CAMK4: variants seen among roughly 807,000 people sequenced by gnomAD.
CAMK4 encodes the protein calcium/calmodulin dependent protein kinase IV, also known as calcium/calmodulin-dependent protein kinase type IV.
CAMK4 carries 22 observed loss-of-function variants against 44.9 expected under a neutral mutation model. The observed-to-expected ratio is 0.49, with a 90% CI of 0.35 to 0.70. CAMK4 has a LOEUF of 0.70. Among genes scored for constraint, CAMK4 ranks in the 30% least tolerant of loss-of-function variants. The probability of loss-of-function intolerance (pLI) is 0.01; values close to 1 mark genes in which losing one functional copy is unlikely to be tolerated. For missense variants in CAMK4, 498 were observed against 586.8 expected (o/e 0.85, Z 1.56); for synonymous variants, 218 against 215.4 (o/e 1.01, Z -0.11).
chr5:111,359,613 T>A (rs1010799925), intron 2 of CAMK4, among the ~76,000 whole-genome samples: 1 of 152,172 alleles, frequency 6.6e-6, no homozygotes, highest in Non-Finnish European at 1.5e-5. Context: ...ATTTTTTGCT[T>A]TTGTTGCAGT....
chr5:111,489,640 C>G lies in CAMK4; in HGVS notation c.*5174C>G, dbSNP rs1755748823. 2 of 152,230 alleles carry G rather than the reference C, an allele frequency of 1.3e-5. No individual in the cohort carries two copies. The allele number at this position is 152,230 out of a possible 1,614,324, so 9.4% of individuals were successfully genotyped here. A position where few individuals can be genotyped will look rare whatever the true frequency, so the allele number is the denominator to read the frequency against. ...CTTGCCGAGAAAGTGAACTGTCTTA[C>G]TCCTTCAAAGGAATCAGATGTTGCT... On this transcript the variant is annotated 3_prime_UTR_variant, in exon 11 of 11. Transcript: ENST00000282356.
At chr5:111,378,181 C>T (rs1202828583) in intron 4 of CAMK4, among the ~76,000 whole-genome samples, 1 of 152,032 alleles carries the variant, frequency 6.6e-6, no homozygotes, top group African/African-American at 2.4e-5. Context: ...TGCCTTTCCC[C>T]TTTTACTATG....
At chr5:111,303,668 T>G (rs1031219644) in intron 1 of CAMK4, among the ~76,000 whole-genome samples, 2 of 142,726 alleles carry the variant, frequency 1.4e-5, no homozygotes, top group African/African-American at 5.5e-5. Context: ...TGGAAAACAC[T>G]CGGCAGGATA....
intron 1 of CAMK4, among the ~76,000 whole-genome samples, chr5:111,304,025 CTTTA>C (rs1747847835): frequency 1.8e-5 from 1 of 57,074 alleles, no homozygotes; most frequent in Non-Finnish European, 3.0e-5. Flanking sequence ...AAATAAAATA[CTTTA>C]TAGACAAGCA....
chr5:111,451,273 T>C (rs1754224109), intron 7 of CAMK4, among the ~76,000 whole-genome samples: 1 of 141,202 alleles, frequency 7.1e-6, no homozygotes, highest in Admixed American at 7.1e-5. Context: ...AAACTATAAA[T>C]CAATATAGTT....
At chr5:111,272,303 T>C (rs912549728) in intron 1 of CAMK4, among the ~76,000 whole-genome samples, 1 of 152,198 alleles carries the variant, frequency 6.6e-6, no homozygotes, top group African/African-American at 2.4e-5. Flanking sequence ...AGTGTTGCTT[T>C]CTTTTTTCCA....
chr5:111,236,287 T>G (rs577486355), intron 1 of CAMK4, among the ~76,000 whole-genome samples: 1 of 152,360 alleles, frequency 6.6e-6, no homozygotes, highest in African/African-American at 2.4e-5. Context: ...TGAGCTCAAC[T>G]TCCAGGCCAG....
intron 7 of CAMK4, among the ~76,000 whole-genome samples, chr5:111,461,352 A>C (rs1407108950): frequency 6.6e-6 from 1 of 152,232 alleles, no homozygotes; most frequent in African/African-American, 2.4e-5. Flanking sequence ...GGTGTGATTC[A>C]GTCTCATCTG....
chr5:111,317,817 C>T (rs79160468), intron 1 of CAMK4, among the ~76,000 whole-genome samples: 2,176 of 143,696 alleles, frequency 0.015, 26 homozygotes, highest in East Asian at 0.055. Flanking sequence ...TTTTGAACAA[C>T]GGGCCCTGTA....
chr5:111,325,505 C>T (rs1226112542), intron 1 of CAMK4, among the ~76,000 whole-genome samples: 1 of 152,036 alleles, frequency 6.6e-6, no homozygotes, highest in African/African-American at 2.4e-5. Flanking sequence ...CCTATTTCTC[C>T]ACAGCCTCGC....
intron 5 of CAMK4, among the ~76,000 whole-genome samples, chr5:111,431,728 G>C (rs1285439042): frequency 6.6e-6 from 1 of 152,074 alleles, no homozygotes; most frequent in South Asian, 2.1e-4. Flanking sequence ...CTCAAAAGAA[G>C]ACATACAAAT....
chr5:111,375,029 A>G lies in CAMK4; in HGVS notation c.303+117A>G, dbSNP rs760938003. On this transcript the variant is annotated intron_variant, in intron 3 of 10. Transcript: ENST00000282356. ...GATTCTCCCACCACTGATAGCTACT[A>G]TGTGCTAGCTCTTGTCCTCATCTCA... is the stretch of plus-strand genomic sequence containing the variant. 6 of 709,560 alleles carry G rather than the reference A, an allele frequency of 8.5e-6. 1 individual carries two copies. Among genetic ancestry groups the G allele is most frequent in the Middle Eastern group, 2.4e-4 (1 of 4,176 alleles). 44.0% of individuals were successfully genotyped at this position (709,560 alleles called of 1,614,324 possible). A position where few individuals can be genotyped will look rare whatever the true frequency, so the allele number is the denominator to read the frequency against.
intron 5 of CAMK4, among the ~76,000 whole-genome samples, chr5:111,428,580 G>T (rs1753315687): frequency 6.6e-6 from 1 of 152,178 alleles, no homozygotes. Flanking sequence ...GCAGAAAAAT[G>T]CAATTGGCAT....
In CAMK4 at chr5:111,323,498, G is replaced by A. The variant is rs140670964; in HGVS notation, c.162-20526G>A. Among the ~76,000 whole-genome samples the A allele has an allele frequency of 3.6e-4, 54 of 152,010 alleles. No individual in the cohort carries two copies. In the East Asian group the frequency reaches 0.01, roughly 28 times the overall value. ...TATACAGTGAGTTTATTGGGACCCT[G>A]TAAGTCAAGGAGCATTTGCATACAG... On this transcript the variant is annotated intron_variant, in intron 1 of 10. Coordinates refer to ENST00000282356, the MANE Select transcript of CAMK4 (RefSeq NM_001744.6).
At chr5:111,318,772 C>T (rs1043169781) in intron 1 of CAMK4, among the ~76,000 whole-genome samples, 1 of 152,082 alleles carries the variant, frequency 6.6e-6, no homozygotes, top group Non-Finnish European at 1.5e-5. Context: ...TTTGACAGAG[C>T]TGACAGAGTA....
chr5:111,472,142 G>A (rs1297917107), intron 7 of CAMK4, among the ~76,000 whole-genome samples: 2 of 151,998 alleles, frequency 1.3e-5, no homozygotes, highest in Non-Finnish European at 2.9e-5. Context: ...TGATCCACCT[G>A]CCTCGATCTC....
intron 4 of CAMK4, among the ~76,000 whole-genome samples, chr5:111,390,517 G>GA (rs1751760024): frequency 6.6e-6 from 1 of 152,040 alleles, no homozygotes; most frequent in Non-Finnish European, 1.5e-5. Context: ...AGTACTTTCT[G>GA]AAAAATATGC....
Position 111,238,606 on chromosome 5 carries a change from G to A in CAMK4, c.161+13962G>A, listed in dbSNP as rs1269097086. Among the ~76,000 whole-genome samples, 8 of 151,218 alleles carry A rather than the reference G, an allele frequency of 5.3e-5. No homozygotes were observed. The East Asian group carries it at 1.2e-3, about 22-fold the overall frequency. ...TGGCACTTTGTTACCAGCCAGAGCA[G>A]AGAAAGACAGCCCTGTACCCTTTTC... is the stretch of plus-strand genomic sequence containing the variant. On this transcript the variant is annotated intron_variant, in intron 1 of 10. Transcript: ENST00000282356.
At chr5:111,465,433 A>G (rs1250954556) in intron 7 of CAMK4, among the ~76,000 whole-genome samples, 2 of 152,146 alleles carry the variant, frequency 1.3e-5, no homozygotes, top group Non-Finnish European at 2.9e-5. Flanking sequence ...TCTTTAAAAT[A>G]ATAATTAAAA....
Sources: allele counts gnomAD v4.1 joint callset (sites outside exome capture counted in the v4.1 genomes callset), GRCh38; gene constraint gnomAD v4.1.1; transcripts MANE v1.5; gene names NCBI Gene and HGNC (gene_info 2026-07-23, HGNC 2026-07-21).